Variants in ELAVL4 observed in about 807,000 individuals in gnomAD.
The protein encoded by ELAVL4 is ELAV like RNA binding protein 4.
A neutral mutation model predicts 35.6 loss-of-function variants in ELAVL4; 1 was observed. That is an observed-to-expected ratio of 0.03 (90% CI 0.01 to 0.13). The LOEUF (loss-of-function observed/expected upper bound fraction) is 0.13, where lower values mean the gene tolerates loss of function less well. Among genes scored for constraint, ELAVL4 ranks in the 10% least tolerant of loss-of-function variants. The pLI, the probability that ELAVL4 is intolerant of heterozygous loss-of-function variation, is 1.00. For missense variants in ELAVL4, 267 were observed against 464.9 expected, an observed-to-expected ratio of 0.57 and a Z score of 3.91; for synonymous variants, 156 against 171.0, an observed-to-expected ratio of 0.91 and a Z score of 0.69.
chr1:50,081,660 ACTTT>A (rs1300794145), intron 1 of ELAVL4, among the ~76,000 whole-genome samples: 6 of 152,156 alleles, frequency 3.9e-5, no homozygotes, highest in Non-Finnish European at 7.4e-5. Flanking sequence ...AACTGGGGCA[ACTTT>A]CTTATTTTAT....
At position 50,145,045 on chromosome 1, in the gene ELAVL4, C is replaced by T; in HGVS notation, c.98C>T (p.Ser33Phe). 1 of 1,613,992 alleles carries T rather than the reference C, an allele frequency of 6.2e-7. No homozygotes were observed. The highest frequency in any genetic ancestry group is 8.5e-7 in the Non-Finnish European group (1 of 1,179,956). ...TCCAGCAACAACAGAAACTGTCCTT[C>T]TCCCATGCAAACAGGGGCAACCACA... ...GPSSNNRNCP[S>F]PMQTGATTDD... The change falls in exon 2 of 7, where the codon TCT (serine) becomes TTT (phenylalanine). Residue 33 changes from serine to phenylalanine, a missense_variant. Around this residue, in one of 2 missense-constraint regions of ELAVL4, gnomAD observed 51 missense variants for 55.4 expected, o/e 0.92. Coordinates refer to ENST00000371824, the MANE Select transcript of ELAVL4 (RefSeq NM_001144774.3).
At chr1:50,078,106 T>TTGTGTGTG (rs56818675) in intron 1 of ELAVL4, among the ~76,000 whole-genome samples, 1,487 of 145,040 alleles carry the variant, frequency 0.01, 25 homozygotes, top group African/African-American at 0.034. Context: ...AATATATACC[T>TTGTGTGTG]TGTGTGTGTG....
intron 1 of ELAVL4, among the ~76,000 whole-genome samples, chr1:50,097,524 G>T (rs1665770711): frequency 6.6e-6 from 1 of 152,132 alleles, no homozygotes; most frequent in Non-Finnish European, 1.5e-5. Flanking sequence ...GAGGAGAAGT[G>T]GTTTGCCTGA....
chr1:50,056,362 T>C (rs1663671764), intron 1 of ELAVL4, among the ~76,000 whole-genome samples: 1 of 152,312 alleles, frequency 6.6e-6, no homozygotes, highest in East Asian at 1.9e-4. Flanking sequence ...TAAGTACGTT[T>C]AGGTCAACAA....
intron 2 of ELAVL4, among the ~76,000 whole-genome samples, chr1:50,152,357 CTGTT>C (rs552606821): frequency 5.3e-4 from 81 of 152,152 alleles, no homozygotes; most frequent in South Asian, 3.5e-3. Context: ...CTTTAGCTGA[CTGTT>C]TGGTTCGTAA....
chr1:50,127,807 G>A (rs576255943), intron 1 of ELAVL4, among the ~76,000 whole-genome samples: 1 of 152,182 alleles, frequency 6.6e-6, no homozygotes, highest in Admixed American at 6.5e-5. Flanking sequence ...GGGCAGTCAA[G>A]CTCTAGTGAC....
chr1:50,197,605 A>G (rs1407621734), intron 6 of ELAVL4, 138 bp downstream of exon 6: 1 of 754,566 alleles, frequency 1.3e-6, no homozygotes, highest in African/African-American at 1.8e-5. Flanking sequence ...CAAATTCTTA[A>G]TTTTAATTTC....
intron 1 of ELAVL4, among the ~76,000 whole-genome samples, chr1:50,111,201 G>A (rs898039512): frequency 5.3e-5 from 8 of 150,968 alleles, no homozygotes; most frequent in African/African-American, 1.7e-4. Flanking sequence ...AAAACCCAGA[G>A]AGGAGGTGAG....
chr1:50,092,185 T>C (rs1665524301), intron 1 of ELAVL4, among the ~76,000 whole-genome samples: 1 of 152,226 alleles, frequency 6.6e-6, no homozygotes, highest in Non-Finnish European at 1.5e-5. Flanking sequence ...AGACAAGTTA[T>C]GATGGGTATA....
At chr1:50,106,459 C>A, upstream of ELAVL4, 3 of 1,300,846 alleles carry the variant, frequency 2.3e-6, no homozygotes, top group Non-Finnish European at 3.3e-6. Context: ...GTTGCCTTAG[C>A]TGCTTGAGTG....
chr1:50,104,575 A>C (rs1353758201), upstream of ELAVL4, among the ~76,000 whole-genome samples: 1 of 152,206 alleles, frequency 6.6e-6, no homozygotes, highest in African/African-American at 2.4e-5. Context: ...GGCTGGGAAA[A>C]TATTACTGTC....
chr1:50,145,297 C>T, intron 2 of ELAVL4, 100 bp downstream of exon 2: 3 of 1,536,652 alleles, frequency 2.0e-6, no homozygotes, highest in Non-Finnish European at 2.7e-6. Flanking sequence ...TATCATGTAC[C>T]CTGCATGCAA....
At chr1:50,078,303 G>A (rs1436565279) in intron 1 of ELAVL4, among the ~76,000 whole-genome samples, 3 of 152,044 alleles carry the variant, frequency 2.0e-5, no homozygotes, top group Admixed American at 2.0e-4. Context: ...ATATGGAGTG[G>A]GGGAAGTGAG....
Position 50,201,274 on chromosome 1 carries a change from A to C in ELAVL4, c.*96A>C. On this transcript the variant is annotated 3_prime_UTR_variant, in exon 7 of 7. Coordinates refer to ENST00000371824, the MANE Select transcript of ELAVL4 (RefSeq NM_001144774.3). The surrounding 1 kb of genome is among the most constrained non-coding windows in gnomAD (Gnocchi z 4.3). Reference sequence around the variant, plus strand: ...ACATACACGAAAGAGAGAGAAACAAACTTTTCAAGGCTTATATTCAACCAT... The same window carrying C: ...ACATACACGAAAGAGAGAGAAACAACCTTTTCAAGGCTTATATTCAACCAT... 4.4e-6 allele frequency: 6 copies of C among 1,357,376 alleles called. No individual in the cohort carries two copies. The highest frequency in any genetic ancestry group is 5.8e-6 in the Non-Finnish European group (6 of 1,031,444). 84.1% of individuals were successfully genotyped at this position (1,357,376 alleles called of 1,614,324 possible). A position where few individuals can be genotyped will look rare whatever the true frequency, so the allele number is the denominator to read the frequency against.
intron 2 of ELAVL4, among the ~76,000 whole-genome samples, chr1:50,145,532 T>C (rs1004315834): frequency 5.3e-5 from 8 of 152,208 alleles, no homozygotes; most frequent in African/African-American, 1.9e-4. Context: ...ACACTAGTTT[T>C]TGCTCATGTA....
At chr1:50,119,581 T>G (rs1668673290) in intron 1 of ELAVL4, among the ~76,000 whole-genome samples, 2 of 152,162 alleles carry the variant, frequency 1.3e-5, no homozygotes, top group Admixed American at 6.6e-5. Flanking sequence ...GAAAAAAGAC[T>G]TGGAGCTTAG....
upstream of ELAVL4, among the ~76,000 whole-genome samples, chr1:50,102,721 T>C (rs1050677392): frequency 2.0e-5 from 3 of 152,186 alleles, no homozygotes; most frequent in Admixed American, 2.0e-4. Context: ...TTCTTTGTTT[T>C]GGTTTTTTAT....
intron 3 of ELAVL4, among the ~76,000 whole-genome samples, chr1:50,187,605 A>G (rs1428451777): frequency 1.3e-5 from 2 of 152,182 alleles, no homozygotes; most frequent in Non-Finnish European, 2.9e-5. Context: ...AAGTAACATA[A>G]ACAAGAACTT....
chr1:50,086,667 A>G (rs1052814282), intron 1 of ELAVL4, among the ~76,000 whole-genome samples: 11 of 152,086 alleles, frequency 7.2e-5, no homozygotes, highest in African/African-American at 1.9e-4. Flanking sequence ...TGCATTCTAT[A>G]TAAGAGATAT....
Sources: gnomAD v4.1 joint callset for allele counts (sites outside exome capture counted in the v4.1 genomes callset) on GRCh38, gnomAD v4.1.1 for gene constraint, gnomAD v4.1.1 regional missense constraint, Gnocchi (gnomAD v3.1) non-coding constraint, MANE v1.5 for transcripts, NCBI Gene and HGNC (gene_info 2026-07-23, HGNC 2026-07-21) for gene names.